UVRAG: variants seen among roughly 807,000 people sequenced by gnomAD.
UVRAG encodes the protein UV radiation resistance-associated gene protein.
UVRAG carries 19 observed loss-of-function variants against 78.0 expected under a neutral mutation model. The observed-to-expected ratio is 0.24, with a 90% CI of 0.17 to 0.36. The LOEUF is 0.36. Ranked by LOEUF, UVRAG falls within the 10% of genes least tolerant of loss-of-function variation. UVRAG has a pLI of 1.00. For synonymous variants in UVRAG, 323 were observed against 324.6 expected (o/e 1.00, Z 0.05); for missense variants, 740 against 853.8 (o/e 0.87, Z 1.66).
rs80351821 is a variant in UVRAG at position 75,832,378 on chromosome 11, C to G, written c.117+16854C>G. On this transcript the variant is annotated intron_variant, in intron 1 of 14. Transcript: ENST00000356136. Reference sequence around the variant, plus strand: ...AAACTGAAGGTTACCATGACCTTCTCCTTGTGTTCAGTAATTTGTTAGAAT... The same window carrying G: ...AAACTGAAGGTTACCATGACCTTCTGCTTGTGTTCAGTAATTTGTTAGAAT... Among the ~76,000 whole-genome samples the G allele has an allele frequency of 1.6e-3, 245 of 152,296 alleles. 1 individual carries two copies. The highest frequency in any genetic ancestry group is 5.8e-3 in the African/African-American group (242 of 41,558).
chr11:76,012,034 A>G (rs1395222779), intron 11 of UVRAG, among the ~76,000 whole-genome samples: 1 of 152,120 alleles, frequency 6.6e-6, no homozygotes, highest in African/African-American at 2.4e-5. Context: ...AAATATAGTA[A>G]CATAGGCTGG....
intron 13 of UVRAG, among the ~76,000 whole-genome samples, chr11:76,109,794 C>G (rs1195714389): frequency 3.9e-5 from 6 of 152,152 alleles, no homozygotes; most frequent in African/African-American, 1.2e-4. Context: ...AATATCTTAC[C>G]AGGGAGTTAA....
intron 12 of UVRAG, among the ~76,000 whole-genome samples, chr11:76,020,242 C>A (rs1260526238): frequency 6.6e-6 from 1 of 152,158 alleles, no homozygotes; most frequent in Non-Finnish European, 1.5e-5. Flanking sequence ...GGGTTCCCCT[C>A]TGGACCAGGA....
chr11:76,101,432 C>G (rs1228832114), intron 13 of UVRAG, among the ~76,000 whole-genome samples: 2 of 151,992 alleles, frequency 1.3e-5, no homozygotes, highest in African/African-American at 4.8e-5. Context: ...ATGTCCTTTG[C>G]TCTCTTTTAA....
chr11:75,960,462 T>C (rs1249114021), intron 6 of UVRAG, among the ~76,000 whole-genome samples: 1 of 152,190 alleles, frequency 6.6e-6, no homozygotes, highest in African/African-American at 2.4e-5. Context: ...AAGAAATACA[T>C]GAGCTATATT....
At chr11:75,904,142 A>G (rs572601408) in intron 5 of UVRAG, among the ~76,000 whole-genome samples, 12 of 152,352 alleles carry the variant, frequency 7.9e-5, no homozygotes, top group Non-Finnish European at 1.2e-4. Flanking sequence ...AACATTTACT[A>G]TGTGGCCCTT....
In UVRAG at chr11:75,894,026, G is replaced by A. The variant is rs932223801; in HGVS notation, c.507+5123G>A. On this transcript the variant is annotated intron_variant, in intron 5 of 14. Coordinates refer to ENST00000356136, the MANE Select transcript of UVRAG (RefSeq NM_003369.4). The stretch of plus-strand genomic sequence containing the variant: ...ATGCTGAATGATGCACATAGAAGAT[G>A]ATACCAAAGGGAGCATATAGTGTAT... 3.3e-5 allele frequency among the ~76,000 whole-genome samples: 5 copies of A among 152,160 alleles called. No homozygotes were observed. The South Asian group carries it at 1.0e-3, about 32-fold the overall frequency.
chr11:75,888,765 T>C (rs1947149824), intron 4 of UVRAG, 64 bp from the exon 5 acceptor site: 1 of 1,380,190 alleles, frequency 7.2e-7, no homozygotes, highest in African/African-American at 1.4e-5. Context: ...ACTGTCATTC[T>C]CTGGTTGTAT....
chr11:75,973,846 G>C (rs1235843630), intron 7 of UVRAG, among the ~76,000 whole-genome samples: 1 of 152,092 alleles, frequency 6.6e-6, no homozygotes, highest in African/African-American at 2.4e-5. Context: ...CAGAATGATG[G>C]TTTCCAGCTT....
intron 1 of UVRAG, among the ~76,000 whole-genome samples, chr11:75,832,495 G>T (rs1331272842): frequency 1.3e-5 from 2 of 152,188 alleles, no homozygotes; most frequent in Admixed American, 1.3e-4. Context: ...GAGATAAATA[G>T]GGCAAGGTAT....
chr11:75,823,503 A>G (rs1945445310), intron 1 of UVRAG, among the ~76,000 whole-genome samples: 8 of 152,240 alleles, frequency 5.3e-5, no homozygotes, highest in Admixed American at 5.2e-4. Context: ...TTCATTTTTT[A>G]ATTTTAATTT....
rs1948905997 is a variant in UVRAG, at chr11:75,961,319, T to C, written c.594-125T>C. The C allele has an allele frequency of 4.3e-6, 3 of 702,028 alleles. No individual in the cohort carries two copies. The Admixed American group carries it at 1.0e-4, about 24-fold the overall frequency. 43.5% of individuals were successfully genotyped at this position (702,028 alleles called of 1,614,324 possible). ...GTTATTTCATTGCGAATATGCTAGA[T>C]AATTAAAAATCAATTGAGTTCATTA... On this transcript the variant is annotated intron_variant, in intron 6 of 14. Transcript: ENST00000356136.
At chr11:76,099,974 G>A (rs1024773563) in intron 13 of UVRAG, among the ~76,000 whole-genome samples, 6 of 152,004 alleles carry the variant, frequency 3.9e-5, no homozygotes, top group African/African-American at 1.4e-4. Context: ...TATGGTAGTA[G>A]TGAACATCTC....
chr11:75,910,539 CTTTTTTT>C (rs935961405), intron 5 of UVRAG, among the ~76,000 whole-genome samples: 1 of 124,064 alleles, frequency 8.1e-6, no homozygotes, highest in African/African-American at 2.9e-5. Context: ...TCCTTTTTAT[CTTTTTTT>C]TTTTTTTTTG....
intron 1 of UVRAG, chr11:75,837,719 C>T (rs1945816320): frequency 1.3e-5 from 2 of 152,098 alleles, no homozygotes; most frequent in Admixed American, 6.5e-5. Flanking sequence ...TGCAGAGGGC[C>T]TGCTGTAGAT....
intron 6 of UVRAG, among the ~76,000 whole-genome samples, chr11:75,934,145 A>G (rs1948309211): frequency 6.6e-6 from 1 of 152,240 alleles, no homozygotes; most frequent in Admixed American, 6.5e-5. Flanking sequence ...TACACAATGG[A>G]ATACTATTCC....
chr11:76,075,189 G>A (rs1177395516), intron 13 of UVRAG, among the ~76,000 whole-genome samples: 1 of 152,112 alleles, frequency 6.6e-6, no homozygotes, highest in African/African-American at 2.4e-5. Flanking sequence ...TAGTCAAAAT[G>A]CCTTTCCCCA....
At chr11:75,821,085 G>T (rs1026734948) in intron 1 of UVRAG, among the ~76,000 whole-genome samples, 1 of 151,840 alleles carries the variant, frequency 6.6e-6, no homozygotes, top group South Asian at 2.1e-4. Context: ...CCCCATTCTC[G>T]CCTCCTACCA....
chr11:76,085,063 C>CAAA (rs781218840), intron 13 of UVRAG, among the ~76,000 whole-genome samples: 4 of 49,600 alleles, frequency 8.1e-5, no homozygotes, highest in Admixed American at 5.1e-4. Flanking sequence ...GACCCTGTCT[C>CAAA]AAAAAAAAAA....
Sources: allele counts gnomAD v4.1 joint callset (sites outside exome capture counted in the v4.1 genomes callset), GRCh38; gene constraint gnomAD v4.1.1; transcripts MANE v1.5; gene names NCBI Gene and HGNC (gene_info 2026-07-23, HGNC 2026-07-21).